The following IL13RA1 variants were observed in gnomAD, a reference collection of about 807,000 sequenced individuals.
IL13RA1 encodes interleukin-13 receptor subunit alpha-1.
In IL13RA1, 14 loss-of-function variants were observed where a neutral mutation model predicts 33.8. The ratio of observed to expected loss-of-function variants is 0.41; its 90% CI spans 0.27 to 0.65. IL13RA1 has a LOEUF of 0.65. IL13RA1 is among the 30% of genes least tolerant of loss of function. The probability of loss-of-function intolerance (pLI) is 0.28; values close to 1 mark genes in which losing one functional copy is unlikely to be tolerated. For synonymous variants in IL13RA1, 116 were observed against 115.7 expected (o/e 1.00, Z -0.02); for missense variants, 313 against 327.0 (o/e 0.96, Z 0.33).
chrX:118,771,922 G>A (rs1210726025), intron 8 of IL13RA1, among the ~76,000 whole-genome samples: 3 of 111,550 alleles, frequency 2.7e-5, no homozygotes, highest in African/African-American at 9.8e-5. Flanking sequence ...GCATTGAGTC[G>A]AGATCGTGCC....
chrX:118,783,965 A>T (rs2017874450), intron 10 of IL13RA1, among the ~76,000 whole-genome samples: 1 of 101,137 alleles, frequency 9.9e-6, no homozygotes, highest in African/African-American at 3.7e-5. Context: ...AATCCCAGCT[A>T]CTTGGGAGGC....
chrX:118,758,188 G>A lies in IL13RA1; in HGVS notation c.622G>A (p.Asp208Asn), dbSNP rs2017554198. 1.8e-6 allele frequency: 2 copies of A among 1,131,298 alleles called. No individual in the cohort carries two copies. The highest frequency in any genetic ancestry group is 2.2e-5 in the Admixed American group (1 of 44,994). 93.2% of individuals were successfully genotyped at this position (1,131,298 alleles called of 1,213,427 possible). ...EQHSVQIMVKDNAGKIKPSFN... is the reference protein window; with the variant it reads ...EQHSVQIMVKNNAGKIKPSFN... ...ACACAGTGTCCAAATAATGGTCAAG[G>A]ATAATGCAGGAAAAATTAAACCATC... Residue 208 changes from aspartate to asparagine, a missense_variant, in exon 5 of 11, where the codon GAT (aspartate) becomes AAT (asparagine). By Grantham distance (23) the Asp-to-Asn change is conservative (BLOSUM62 1). Coordinates refer to ENST00000371666, the MANE Select transcript of IL13RA1 (RefSeq NM_001560.3).
chrX:118,738,405 A>T (rs1404486226), intron 1 of IL13RA1, among the ~76,000 whole-genome samples: 1 of 111,181 alleles, frequency 9.0e-6, no homozygotes, highest in Non-Finnish European at 1.9e-5. Context: ...CCCAGTGTCT[A>T]TCATTTCCAT....
In IL13RA1 at chrX:118,758,174, A is replaced by C; in HGVS notation, c.608A>C (p.Gln203Pro). 1 of 1,143,770 alleles carries C rather than the reference A, an allele frequency of 8.7e-7. No homozygotes were observed. The highest frequency in any genetic ancestry group is 1.2e-6 in the Non-Finnish European group (1 of 837,780). The allele number at this position is 1,143,770 out of a possible 1,213,427, so 94.3% of individuals were successfully genotyped here. A position where few individuals can be genotyped will look rare whatever the true frequency, so the allele number is the denominator to read the frequency against. Residue 203 changes from glutamine to proline, a missense_variant, in exon 5 of 11, where the codon CAA (glutamine) becomes CCA (proline). Physicochemically the swap from Gln to Pro is moderately conservative, Grantham distance 76 (BLOSUM62 -1). Transcript: ENST00000371666. The part of the protein sequence containing the change: ...KDSSFEQHSV[Q>P]IMVKDNAGKI... ...TCCAGTTTTGAACAACACAGTGTCCAAATAATGGTCAAGGATAATGCAGGA... is the reference window on the plus strand; with the variant it reads ...TCCAGTTTTGAACAACACAGTGTCCCAATAATGGTCAAGGATAATGCAGGA...
chrX:118,749,717 A>G lies in IL13RA1; in HGVS notation c.427A>G (p.Lys143Glu), dbSNP rs145506768. Residue 143 changes from lysine to glutamate, a missense_variant, in exon 4 of 11, where the codon AAG becomes GAG. Lys to Glu is a moderately conservative substitution (Grantham distance 56, BLOSUM62 1). Coordinates refer to ENST00000371666, the MANE Select transcript of IL13RA1 (RefSeq NM_001560.3). ...QCIWHNLSYMKCSWLPGRNTS... is the reference protein window; with the variant it reads ...QCIWHNLSYMECSWLPGRNTS... ...CATTTGGCACAACCTGAGCTACATG[A>G]AGTGTTCTTGGCTCCCTGGAAGGAA... 1.3e-4 allele frequency: 156 copies of G among 1,182,137 alleles called. 1 individual carries two copies. Among genetic ancestry groups the G allele is most frequent in the Non-Finnish European group, 1.7e-4 (149 of 870,042 alleles).
At chrX:118,778,199 CT>C (rs2147395848) in intron 10 of IL13RA1, among the ~76,000 whole-genome samples, 1 of 111,862 alleles carries the variant, frequency 8.9e-6, no homozygotes, top group South Asian at 3.7e-4. Flanking sequence ...TTATTTTTAT[CT>C]TTAATTCCCA....
At chrX:118,779,893 A>C (rs771922427) in intron 10 of IL13RA1, among the ~76,000 whole-genome samples, 1 of 111,954 alleles carries the variant, frequency 8.9e-6, no homozygotes, top group Non-Finnish European at 1.9e-5. Flanking sequence ...TGACAGCAAA[A>C]TCAGATCAAT....
At chrX:118,735,432 A>G (rs995461775) in intron 1 of IL13RA1, among the ~76,000 whole-genome samples, 8 of 111,809 alleles carry the variant, frequency 7.2e-5, no homozygotes, top group Admixed American at 6.6e-4. Context: ...CTTGTTTCTT[A>G]ATATGTGTTT....
chrX:118,734,450 G>A (rs758102771), intron 1 of IL13RA1, among the ~76,000 whole-genome samples: 12 of 112,071 alleles, frequency 1.1e-4, no homozygotes, highest in African/African-American at 3.6e-4. Context: ...TAAGGGTGAT[G>A]TTTACTGTGG....
At chrX:118,734,911 C>G (rs971258540) in intron 1 of IL13RA1, among the ~76,000 whole-genome samples, 1 of 111,353 alleles carries the variant, frequency 9.0e-6, no homozygotes, top group African/African-American at 3.3e-5. Context: ...GCTATCAGGT[C>G]TAGGGCTTTT....
intron 2 of IL13RA1, among the ~76,000 whole-genome samples, chrX:118,745,588 TG>T (rs1377702463): frequency 8.9e-6 from 1 of 112,041 alleles, no homozygotes; most frequent in East Asian, 2.8e-4. Context: ...GTCCTGGTTT[TG>T]GGGGTATCTC....
the IL13RA1 span, among the ~76,000 whole-genome samples, chrX:118,801,432 T>A: frequency 8.9e-6 from 1 of 112,616 alleles, no homozygotes; most frequent in Admixed American, 9.4e-5. Context: ...TTGCTTTCTA[T>A]TATTTCTCAC....
chrX:118,770,668 C>T, intron 8 of IL13RA1: 1 of 389,931 alleles, frequency 2.6e-6, no homozygotes. Context: ...CTACAACTAC[C>T]TGGTGCGTGC....
intron 3 of IL13RA1, among the ~76,000 whole-genome samples, chrX:118,749,295 CAG>C (rs1457886019): frequency 1.8e-5 from 2 of 112,105 alleles, no homozygotes; most frequent in East Asian, 2.8e-4. Flanking sequence ...TTTTTTAAGA[CAG>C]ATATATATAA....
chrX:118,796,141 A>G (rs776637490), downstream of IL13RA1, among the ~76,000 whole-genome samples: 11 of 112,730 alleles, frequency 9.8e-5, no homozygotes, highest in South Asian at 7.3e-4. Context: ...TTCAGCATTT[A>G]TTGGGTAGAC....
intron 5 of IL13RA1, among the ~76,000 whole-genome samples, 161 bp from the exon 6 acceptor site, chrX:118,760,977 C>T (rs2017584062): frequency 8.9e-6 from 1 of 112,370 alleles, no homozygotes; most frequent in African/African-American, 3.2e-5. Flanking sequence ...AGAAAAAACT[C>T]TGTACATGTT....
At chrX:118,730,134 C>G (rs2017200063) in intron 1 of IL13RA1, among the ~76,000 whole-genome samples, 1 of 111,744 alleles carries the variant, frequency 8.9e-6, no homozygotes. Context: ...ACCCCGTCTA[C>G]TAAAAATACA....
At chrX:118,748,560 C>T (rs1215015290) in intron 3 of IL13RA1, among the ~76,000 whole-genome samples, 6 of 109,312 alleles carry the variant, frequency 5.5e-5, no homozygotes, top group Non-Finnish European at 1.1e-4. Flanking sequence ...GCAGGAGAAT[C>T]GCTTGAACCT....
At chrX:118,798,361 T>C (rs2018043713), downstream of IL13RA1, among the ~76,000 whole-genome samples, 1 of 111,607 alleles carries the variant, frequency 9.0e-6, no homozygotes, top group South Asian at 3.7e-4. Context: ...AATCCCAAAC[T>C]TTTCCCCATA....
Sources: allele counts gnomAD v4.1 joint callset (sites outside exome capture counted in the v4.1 genomes callset), GRCh38; gene constraint gnomAD v4.1.1; transcripts MANE v1.5; gene names NCBI Gene and HGNC (gene_info 2026-07-23, HGNC 2026-07-21).